Variants in TMC5 observed in about 807,000 individuals in gnomAD.
The protein encoded by TMC5 is transmembrane channel like 5.
TMC5 carries 86 observed loss-of-function variants against 110.5 expected under a neutral mutation model. That is an observed-to-expected ratio of 0.78 (90% CI 0.65 to 0.93). The LOEUF is 0.93. Ranked by LOEUF, TMC5 falls within the 40% of genes least tolerant of loss-of-function variation. TMC5 has a pLI of 0.00. For missense variants in TMC5, 1,144 were observed against 1,222.8 expected (o/e 0.94, Z 0.96); for synonymous variants, 455 against 439.5 (o/e 1.04, Z -0.44).
chr16:19,475,174 C>T (rs1968455235), intron 12 of TMC5, among the ~76,000 whole-genome samples: 2 of 152,126 alleles, frequency 1.3e-5, no homozygotes, highest in South Asian at 4.1e-4. Context: ...GTAATCCCAG[C>T]ACTTTGGGAG....
In TMC5 at chr16:19,482,745, T is replaced by C. The variant is rs993335577; in HGVS notation, c.2363+1280T>C. Among the ~76,000 whole-genome samples the C allele has an allele frequency of 7.9e-5, 12 of 152,362 alleles. No homozygotes were observed. In the East Asian group the frequency reaches 2.1e-3, roughly 27 times the overall value. ...TATAGTTTTTTGGATTTGTGACGTC[T>C]GTTTTAGAAACTCTGCGTGCATTGA... On this transcript the variant is annotated intron_variant, in intron 15 of 21. Transcript: ENST00000542583.
At chr16:19,490,763 CCTTCCT>C (rs1567327774) in intron 18 of TMC5, among the ~76,000 whole-genome samples, 195 bp downstream of exon 18, 1,014 of 46,786 alleles carry the variant, frequency 0.022, 9 homozygotes, top group South Asian at 0.062. Flanking sequence ...TCCTTCCTTC[CCTTCCT>C]TTTTTTCTTT....
intron 9 of TMC5, among the ~76,000 whole-genome samples, chr16:19,469,297 TG>T (rs1968264707): frequency 6.7e-6 from 1 of 149,780 alleles, no homozygotes; most frequent in African/African-American, 2.5e-5. Context: ...GAGGTTGCAG[TG>T]AGCAGAGATC....
intron 18 of TMC5, among the ~76,000 whole-genome samples, chr16:19,491,671 G>A (rs1968910541): frequency 6.6e-6 from 1 of 151,718 alleles, no homozygotes. Context: ...GAGTAGTTGG[G>A]ACTACAGGCA....
At chr16:19,424,824 G>T (rs1335288743) in intron 1 of TMC5, among the ~76,000 whole-genome samples, 2 of 152,150 alleles carry the variant, frequency 1.3e-5, no homozygotes, top group Admixed American at 6.6e-5. Context: ...TTCATTGAGG[G>T]TTTTTATGGA....
In TMC5 at chr16:19,487,230, C is replaced by G; in HGVS notation, c.2477C>G (p.Ala826Gly). The G allele has an allele frequency of 6.2e-7, 1 of 1,614,028 alleles. No individual in the cohort carries two copies. The highest frequency in any genetic ancestry group is 8.5e-7 in the Non-Finnish European group (1 of 1,179,976). The change falls in exon 17 of 22, where the codon GCC becomes GGC. Residue 826 changes from alanine to glycine, a missense_variant. Ala to Gly is a moderately conservative substitution (Grantham distance 60). Transcript: ENST00000542583. ...LMMNFQPPSK[A>G]WRASQMMTFF... is the part of the protein sequence containing the mutation. ...ATGAATTTCCAGCCTCCGAGCAAAG[C>G]CTGGCGGGCCTCACAGATGATGACT...
Position 19,474,154 on chromosome 16 carries a change from G to T in TMC5, c.1968G>T (p.Ala656=). Reference sequence around the variant, plus strand: ...TGAAGACACACAGTAACCCTGGGGCGGTGCTGTTACTGCCTTTCGTTGTGT... The same window carrying T: ...TGAAGACACACAGTAACCCTGGGGCTGTGCTGTTACTGCCTTTCGTTGTGT... ...EFLKTHSNPG[A]VLLLPFVVSC... is the part of the protein sequence containing the mutation. The change falls in exon 12 of 22, where the codon GCG becomes GCT. Residue 656 remains alanine (A), a synonymous_variant. Coordinates refer to ENST00000542583, the MANE Select transcript of TMC5 (RefSeq NM_001261841.2). 1 of 1,613,936 alleles carries T rather than the reference G, an allele frequency of 6.2e-7. No homozygotes were observed. Among genetic ancestry groups the T allele is most frequent in the South Asian group, 1.1e-5 (1 of 91,062 alleles).
intron 18 of TMC5, 131 bp downstream of exon 18, chr16:19,490,699 T>C: frequency 1.3e-6 from 1 of 787,972 alleles, no homozygotes; most frequent in Non-Finnish European, 2.1e-6. Flanking sequence ...TACCCTTGCA[T>C]AGGTAGTTTT....
At chr16:19,479,605 C>G (rs1968567924) in intron 14 of TMC5, 77 bp downstream of exon 14, 2 of 1,020,326 alleles carry the variant, frequency 2.0e-6, no homozygotes, top group Admixed American at 1.8e-5. Flanking sequence ...GTGGGACATA[C>G]AGGTGCCTGA....
At chr16:19,461,303 C>T (rs1968015444) in intron 6 of TMC5, among the ~76,000 whole-genome samples, 1 of 152,048 alleles carries the variant, frequency 6.6e-6, no homozygotes, top group Non-Finnish European at 1.5e-5. Context: ...CAGACTAGTG[C>T]AGTGGCTCAT....
intron 2 of TMC5, among the ~76,000 whole-genome samples, chr16:19,439,214 C>T (rs933197): frequency 6.6e-6 from 1 of 152,120 alleles, no homozygotes; most frequent in East Asian, 1.9e-4. Flanking sequence ...ACAAAAGTAT[C>T]CTGTGGTCTG....
At chr16:19,415,694 CAA>C (rs1283489213), upstream of TMC5, among the ~76,000 whole-genome samples, 1 of 152,202 alleles carries the variant, frequency 6.6e-6, no homozygotes, top group Admixed American at 6.5e-5. Context: ...TTCCTAGAGT[CAA>C]ATGCTGCCAG....
At chr16:19,456,554 C>T (rs1967877527) in intron 5 of TMC5, 2 of 1,428,018 alleles carry the variant, frequency 1.4e-6, no homozygotes, top group East Asian at 2.5e-5. Flanking sequence ...TTGGTGAGCT[C>T]ATCCTGGCAT....
chr16:19,419,647 C>A (rs1051696797), intron 1 of TMC5, among the ~76,000 whole-genome samples: 4 of 151,722 alleles, frequency 2.6e-5, no homozygotes, highest in Non-Finnish European at 4.4e-5. Context: ...CTCCTGACCT[C>A]GTGATCCATC....
At position 19,444,214 on chromosome 16, in the gene TMC5, G is replaced by C. The variant is rs767830574; in HGVS notation, c.922G>C (p.Gly308Arg). The change falls in exon 4 of 22, where the codon GGC (glycine) becomes CGC (arginine). Residue 308 changes from glycine to arginine, a missense_variant. Transcript: ENST00000542583. ...ATCCATGGAGATGGCAAACTCATAT[G>C]GCCACTCTCTGCCAGGTGCTCCTGG... ...MASMEMANSY[G>R]HSLPGAPGSG... 23 of 1,613,818 alleles carry C rather than the reference G, an allele frequency of 1.4e-5. No individual in the cohort carries two copies. In the East Asian group the frequency reaches 4.9e-4, roughly 34 times the overall value.
rs774637721 is a variant in TMC5, at chr16:19,440,526, A to C, written c.488A>C (p.Tyr163Ser). ...PDHFGSLEPDYPGAQSNSDHP... is the reference protein window; with the variant it reads ...PDHFGSLEPDSPGAQSNSDHP... ...CATTTTGGCTCCTTAGAACCGGACT[A>C]CCCTGGAGCTCAGAGCAACTCTGAT... Residue 163 changes from tyrosine (Y) to serine (S), a missense_variant, in exon 3 of 22, where the codon TAC becomes TCC. Physicochemically the swap from Tyr to Ser is moderately radical, Grantham distance 144. Coordinates refer to ENST00000542583, the MANE Select transcript of TMC5 (RefSeq NM_001261841.2). The C allele has an allele frequency of 9.3e-6, 15 of 1,614,150 alleles. No individual in the cohort carries two copies. The highest frequency in any genetic ancestry group is 1.3e-5 in the Non-Finnish European group (15 of 1,180,008).
At chr16:19,417,650 TA>T (rs1966889979), upstream of TMC5, 1 of 152,074 alleles carries the variant, frequency 6.6e-6, no homozygotes, top group South Asian at 2.1e-4. Flanking sequence ...AACAAAAGAA[TA>T]TTAATGAGAG....
chr16:19,428,875 G>A (rs1967139501), intron 1 of TMC5, among the ~76,000 whole-genome samples: 1 of 152,192 alleles, frequency 6.6e-6, no homozygotes, highest in South Asian at 2.1e-4. Flanking sequence ...GCCCAGGCTG[G>A]AGTGCAGTGG....
chr16:19,433,724 A>C (rs976501822), intron 2 of TMC5, among the ~76,000 whole-genome samples: 2 of 152,046 alleles, frequency 1.3e-5, no homozygotes, highest in Non-Finnish European at 2.9e-5. Context: ...TAAGAAGCTC[A>C]GGGCAAAATT....
Sources: gnomAD v4.1 joint callset for allele counts (sites outside exome capture counted in the v4.1 genomes callset) on GRCh38, gnomAD v4.1.1 for gene constraint, MANE v1.5 for transcripts, NCBI Gene and HGNC (gene_info 2026-07-23, HGNC 2026-07-21) for gene names.